The following MYO16 variants were observed in gnomAD, a reference collection of about 807,000 sequenced individuals.
The protein encoded by MYO16 is myosin XVI, also known as unconventional myosin-XVI.
Under a neutral mutation model 205.3 loss-of-function variants are expected in MYO16, and 94 were observed. The observed-to-expected ratio is 0.46, with a 90% CI of 0.39 to 0.54. MYO16 has a LOEUF of 0.54. MYO16 is among the 20% of genes least tolerant of loss of function. The pLI is 0.00. For missense variants in MYO16, 2,315 were observed against 2,387.5 expected (o/e 0.97, Z 0.63); for synonymous variants, 988 against 954.0 (o/e 1.04, Z -0.66).
intron 3 of MYO16, among the ~76,000 whole-genome samples, chr13:108,723,483 T>C (rs1381804725): frequency 6.6e-6 from 1 of 152,158 alleles, no homozygotes; most frequent in East Asian, 1.9e-4. Flanking sequence ...CAATTTTACA[T>C]TATGAGTAAT....
upstream of MYO16, among the ~76,000 whole-genome samples, chr13:108,592,728 C>CTGTGTGTGTGTG (rs55845447): frequency 0.21 from 29,183 of 138,944 alleles, 3,258 homozygotes; most frequent in East Asian, 0.4. Context: ...GTGAGGGTGG[C>CTGTGTGTGTGTG]TGTGTGTGTG....
Position 108,952,967 on chromosome 13 carries a change from A to G in MYO16, c.1926-4721A>G, listed in dbSNP as rs1014176116. Among the ~76,000 whole-genome samples, 90 of 152,182 alleles carry G rather than the reference A, an allele frequency of 5.9e-4. 1 individual carries two copies. The highest frequency in any genetic ancestry group is 1.0e-4 in the Non-Finnish European group (7 of 68,038). Reference sequence around the variant, plus strand: ...ATGAAACTCTTGCTTTGATTTATCTAGGATGTTTCTCAACCACTGTGTTGA... The same window carrying G: ...ATGAAACTCTTGCTTTGATTTATCTGGGATGTTTCTCAACCACTGTGTTGA... On this transcript the variant is annotated intron_variant, in intron 16 of 34. Transcript: ENST00000457511.
At chr13:109,178,208 A>G (rs1198503463) in intron 33 of MYO16, among the ~76,000 whole-genome samples, 1 of 152,136 alleles carries the variant, frequency 6.6e-6, no homozygotes, top group African/African-American at 2.4e-5. Context: ...CTGCCACCAC[A>G]GTGTCTAAGG....
At chr13:109,034,841 A>T (rs573816079) in intron 23 of MYO16, among the ~76,000 whole-genome samples, 1 of 152,278 alleles carries the variant, frequency 6.6e-6, no homozygotes, top group Admixed American at 6.5e-5. Flanking sequence ...CTAAAATAAT[A>T]GTTTTGTTGA....
chr13:109,117,916 G>C (rs1875803561), intron 28 of MYO16, among the ~76,000 whole-genome samples: 1 of 152,128 alleles, frequency 6.6e-6, no homozygotes, highest in African/African-American at 2.4e-5. Flanking sequence ...GCTCCCAGGA[G>C]AATTTCCATG....
At chr13:109,149,324 C>T (rs541424676) in intron 32 of MYO16, among the ~76,000 whole-genome samples, 40 of 152,274 alleles carry the variant, frequency 2.6e-4, no homozygotes, top group Non-Finnish European at 3.5e-4. Flanking sequence ...ACATTGACGT[C>T]TCCTTTCTCC....
intron 27 of MYO16, among the ~76,000 whole-genome samples, chr13:109,082,234 G>A (rs9521168): frequency 0.55 from 83,475 of 151,890 alleles, 23,314 homozygotes; most frequent in Middle Eastern, 0.61. Flanking sequence ...GGAGCACCCC[G>A]TTCCCCATCA....
At chr13:108,864,433 C>T (rs1878605344) in intron 11 of MYO16, among the ~76,000 whole-genome samples, 1 of 152,096 alleles carries the variant, frequency 6.6e-6, no homozygotes, top group South Asian at 2.1e-4. Flanking sequence ...TTTCTAGGTA[C>T]CTACTAGTGA....
chr13:108,784,538 G>A (rs748652839), intron 4 of MYO16, among the ~76,000 whole-genome samples: 19 of 151,992 alleles, frequency 1.3e-4, no homozygotes, highest in Non-Finnish European at 2.5e-4. Context: ...ATTTAGAGCC[G>A]TTCTTTGGAA....
In MYO16 at chr13:108,973,809, C is replaced by G. The variant is rs146623799; in HGVS notation, c.2369+8907C>G. ...AGAATCGGCACTAATAAGATTGTAA[C>G]AAGCAATTTAATATTCTTCAGAAAA... On this transcript the variant is annotated intron_variant, in intron 20 of 34. Transcript: ENST00000457511. Among the ~76,000 whole-genome samples, 98 of 152,236 alleles carry G rather than the reference C, an allele frequency of 6.4e-4. 2 individuals are homozygous for G. The highest frequency in any genetic ancestry group is 2.2e-3 in the African/African-American group (91 of 41,532).
intron 15 of MYO16, among the ~76,000 whole-genome samples, chr13:108,901,608 A>G (rs952108292): frequency 2.0e-5 from 3 of 152,184 alleles, no homozygotes; most frequent in Admixed American, 1.3e-4. Context: ...CAGGGCATCT[A>G]TGACAGGCAT....
At chr13:108,911,495 G>A (rs916820073) in intron 16 of MYO16, among the ~76,000 whole-genome samples, 2 of 152,096 alleles carry the variant, frequency 1.3e-5, no homozygotes, top group Non-Finnish European at 2.9e-5. Context: ...CAAGGGGCCT[G>A]AGGAAACATA....
intron 3 of MYO16, among the ~76,000 whole-genome samples, chr13:108,722,563 A>G (rs1884202991): frequency 6.6e-6 from 1 of 152,194 alleles, no homozygotes; most frequent in Non-Finnish European, 1.5e-5. Flanking sequence ...TGAAAATCCA[A>G]GCTTCAGGTA....
At chr13:109,081,212 T>C (rs1888271134) in intron 27 of MYO16, among the ~76,000 whole-genome samples, 1 of 152,294 alleles carries the variant, frequency 6.6e-6, no homozygotes, top group South Asian at 2.1e-4. Flanking sequence ...CTCAACATAA[T>C]TCATTGAAAT....
At chr13:108,647,405 T>C (rs1195036613) in intron 1 of MYO16, among the ~76,000 whole-genome samples, 1 of 152,198 alleles carries the variant, frequency 6.6e-6, no homozygotes, top group Non-Finnish European at 1.5e-5. Flanking sequence ...AAATCTTTAA[T>C]GGTTCCTGTG....
chr13:109,125,266 C>G lies in MYO16; in HGVS notation c.3690C>G (p.Ala1230=). The change falls in exon 30 of 35, where the codon GCC becomes GCG. Residue 1230 remains alanine (A), a synonymous_variant. Coordinates refer to ENST00000457511, the MANE Select transcript of MYO16 (RefSeq NM_001198950.3). The surrounding 1 kb of genome is among the most constrained non-coding windows in gnomAD (Gnocchi z 4.0). Reference sequence around the variant, plus strand: ...TCATTCAGAATGCTTCAGACATTGCCCGGGAAAATGACCGGCTCCGTAGTG... The same window carrying G: ...TCATTCAGAATGCTTCAGACATTGCGCGGGAAAATGACCGGCTCCGTAGTG... The part of the protein sequence containing the change: ...ALVIQNASDI[A]RENDRLRSEM... 6.2e-7 allele frequency: 1 copy of G among 1,614,042 alleles called. No homozygotes were observed.
At chr13:108,927,338 T>C (rs1882055222) in intron 16 of MYO16, among the ~76,000 whole-genome samples, 1 of 152,180 alleles carries the variant, frequency 6.6e-6, no homozygotes, top group Non-Finnish European at 1.5e-5. Context: ...TGAGTGATTT[T>C]TCAACATCCC....
At chr13:109,073,986 T>C (rs1051946815) in intron 27 of MYO16, among the ~76,000 whole-genome samples, 1 of 152,230 alleles carries the variant, frequency 6.6e-6, no homozygotes, top group Non-Finnish European at 1.5e-5. Context: ...GTGTTTACTT[T>C]TGTGCAAACT....
intron 29 of MYO16, among the ~76,000 whole-genome samples, chr13:109,124,324 G>A (rs137950223): frequency 3.5e-4 from 54 of 152,254 alleles, no homozygotes; most frequent in African/African-American, 1.0e-3. Context: ...ATATGAGCCC[G>A]GGCTCTACTA....
Sources: allele counts gnomAD v4.1 joint callset (sites outside exome capture counted in the v4.1 genomes callset), GRCh38; gene constraint gnomAD v4.1.1; non-coding constraint Gnocchi (gnomAD v3.1); transcripts MANE v1.5; gene names NCBI Gene and HGNC (gene_info 2026-07-23, HGNC 2026-07-21).